The following TSPAN12 variants were observed in gnomAD, a reference collection of about 807,000 sequenced individuals.
The protein encoded by TSPAN12 is tetraspanin-12.
Under a neutral mutation model 39.2 loss-of-function variants are expected in TSPAN12, and 19 were observed. The observed-to-expected ratio is 0.49, with a 90% CI of 0.34 to 0.71. The LOEUF is 0.71. TSPAN12 is among the 30% of genes least tolerant of loss of function. The probability of loss-of-function intolerance (pLI) is 0.01; values close to 1 mark genes in which losing one functional copy is unlikely to be tolerated. For missense variants in TSPAN12, 314 were observed against 359.9 expected (o/e 0.87, Z 1.03); for synonymous variants, 119 against 124.8 (o/e 0.95, Z 0.31).
At chr7:120,819,448 AT>A (rs1368757970) in intron 4 of TSPAN12, among the ~76,000 whole-genome samples, 1 of 152,040 alleles carries the variant, frequency 6.6e-6, no homozygotes, top group East Asian at 1.9e-4. Flanking sequence ...TATCTTTCAG[AT>A]TTCCAATGGT....
At chr7:120,831,443 C>G (rs1794388631) in intron 4 of TSPAN12, among the ~76,000 whole-genome samples, 1 of 151,962 alleles carries the variant, frequency 6.6e-6, no homozygotes, top group East Asian at 1.9e-4. Flanking sequence ...TCCATATATA[C>G]AACAGAATAC....
chr7:120,848,017 A>G (rs868527252), intron 2 of TSPAN12, among the ~76,000 whole-genome samples: 6 of 152,108 alleles, frequency 3.9e-5, no homozygotes, highest in Admixed American at 1.3e-4. Flanking sequence ...GAAAACAACA[A>G]AACTGCTTGC....
In TSPAN12 at chr7:120,832,729, G is replaced by A. The variant is rs187335109; in HGVS notation, c.285+6048C>T. On this transcript the variant is annotated intron_variant, in intron 4 of 7. Transcript: ENST00000222747. Reference sequence around the variant, plus strand: ...GATGGGTACTCAATACACAATTAAGGAGGGCAAAAGGAAAGGAAAGAGGAA... The same window carrying A: ...GATGGGTACTCAATACACAATTAAGAAGGGCAAAAGGAAAGGAAAGAGGAA... Among the ~76,000 whole-genome samples, 3 of 152,126 alleles carry A rather than the reference G, an allele frequency of 2.0e-5. No homozygotes were observed. The East Asian group carries it at 5.8e-4, about 29-fold the overall frequency.
Position 120,788,429 on chromosome 7 carries a change from G to T in TSPAN12, c.*163C>A. On this transcript the variant is annotated 3_prime_UTR_variant, in exon 8 of 8. Transcript: ENST00000222747. ...TTGTCCAGGTGGTGACTTATGACATGAAACTTTTCCATCCTCATTTTAAAG... is the reference window on the plus strand; with the variant it reads ...TTGTCCAGGTGGTGACTTATGACATTAAACTTTTCCATCCTCATTTTAAAG... 1.2e-6 allele frequency: 1 copy of T among 857,158 alleles called. No individual in the cohort carries two copies. Among genetic ancestry groups the T allele is most frequent in the Non-Finnish European group, 1.8e-6 (1 of 558,360 alleles). The allele number at this position is 857,158 out of a possible 1,614,324, so 53.1% of individuals were successfully genotyped here. A position where few individuals can be genotyped will look rare whatever the true frequency, so the allele number is the denominator to read the frequency against.
At chr7:120,844,337 A>G (rs945602641) in intron 2 of TSPAN12, among the ~76,000 whole-genome samples, 5 of 152,100 alleles carry the variant, frequency 3.3e-5, no homozygotes, top group African/African-American at 1.2e-4. Context: ...CCAAAATACC[A>G]TCATGCCTTT....
chr7:120,829,471 C>T (rs928424207), intron 4 of TSPAN12, among the ~76,000 whole-genome samples: 1 of 151,792 alleles, frequency 6.6e-6, no homozygotes, highest in East Asian at 1.9e-4. Context: ...CTTTTACAAA[C>T]GTTATCCGCC....
intron 5 of TSPAN12, chr7:120,814,063 G>A (rs1794033666): frequency 5.3e-6 from 2 of 376,012 alleles, no homozygotes; most frequent in Non-Finnish European, 1.0e-5. Context: ...ATGTGTGAGT[G>A]TGCCAAAGCA....
intron 2 of TSPAN12, among the ~76,000 whole-genome samples, chr7:120,850,846 C>T (rs1794757753): frequency 6.6e-6 from 1 of 152,016 alleles, no homozygotes; most frequent in South Asian, 2.1e-4. Context: ...CATGCCACCA[C>T]ACCCAGCTTA....
At position 120,806,636 on chromosome 7, in the gene TSPAN12, G is replaced by A. The variant is rs1005284722; in HGVS notation, c.525C>T (p.Asp175=). ...TAACACAGCAGGAATCTGGGGGCCA[G>A]TCCATCTCTGTCATTTCCAACCAGT... ...FTDWLEMTEM[D]WPPDSCCVRE... The change falls in exon 7 of 8, where the codon GAC becomes GAT. Residue 175 remains aspartate (D), a synonymous_variant. Coordinates refer to ENST00000222747, the MANE Select transcript of TSPAN12 (RefSeq NM_012338.4). 6.2e-7 allele frequency: 1 copy of A among 1,613,374 alleles called. No individual in the cohort carries two copies. Among genetic ancestry groups the A allele is most frequent in the African/African-American group, 1.3e-5 (1 of 74,858 alleles).
chr7:120,799,922 A>G (rs1793731971), intron 7 of TSPAN12, among the ~76,000 whole-genome samples: 1 of 144,268 alleles, frequency 6.9e-6, no homozygotes, highest in Non-Finnish European at 1.5e-5. Flanking sequence ...TATATTAAAT[A>G]TTTATTATAA....
chr7:120,855,591 T>C (rs1334663966), intron 2 of TSPAN12, among the ~76,000 whole-genome samples: 1 of 152,222 alleles, frequency 6.6e-6, no homozygotes, highest in Non-Finnish European at 1.5e-5. Flanking sequence ...TGAATTTAAC[T>C]ACCCAATGCT....
At chr7:120,818,172 T>C (rs1794120589) in intron 4 of TSPAN12, among the ~76,000 whole-genome samples, 1 of 152,050 alleles carries the variant, frequency 6.6e-6, no homozygotes, top group African/African-American at 2.4e-5. Flanking sequence ...CAATGGTAAC[T>C]GGCACACAGA....
At chr7:120,800,931 ACACATGCAC>A (rs1329034828) in intron 7 of TSPAN12, among the ~76,000 whole-genome samples, 3 of 151,778 alleles carry the variant, frequency 2.0e-5, no homozygotes, top group Non-Finnish European at 2.9e-5. Flanking sequence ...CTGGGACTAC[ACACATGCAC>A]CACAGCGTCC....
intron 4 of TSPAN12, among the ~76,000 whole-genome samples, chr7:120,827,296 G>A (rs372573307): frequency 1.1e-4 from 17 of 152,134 alleles, no homozygotes; most frequent in East Asian, 3.9e-4. Flanking sequence ...AAATAGTTTC[G>A]TTTAAATTTT....
chr7:120,824,170 G>T (rs1263660005), intron 4 of TSPAN12, among the ~76,000 whole-genome samples: 1 of 151,510 alleles, frequency 6.6e-6, no homozygotes, highest in Non-Finnish European at 1.5e-5. Flanking sequence ...CTGCAATATT[G>T]CCCATTAAAA....
intron 4 of TSPAN12, among the ~76,000 whole-genome samples, chr7:120,834,598 T>TAA (rs1026095164): frequency 6.6e-6 from 1 of 152,118 alleles, no homozygotes; most frequent in Non-Finnish European, 1.5e-5. Flanking sequence ...TATATATATA[T>TAA]AATCATTCAA....
chr7:120,824,449 A>T (rs546349330), intron 4 of TSPAN12, among the ~76,000 whole-genome samples: 1 of 152,018 alleles, frequency 6.6e-6, no homozygotes, highest in Admixed American at 6.6e-5. Context: ...TCAAAAAAAA[A>T]ACAAAAACCT....
rs114396407 is a variant in TSPAN12, at chr7:120,836,439, T to C, written c.285+2338A>G. Reference sequence around the variant, plus strand: ...CACCTAGGGACACATGGAACAGCAATGCATAAAAAGATGCTTTGTAAAAAA... The same window carrying C: ...CACCTAGGGACACATGGAACAGCAACGCATAAAAAGATGCTTTGTAAAAAA... On this transcript the variant is annotated intron_variant, in intron 4 of 7. Transcript: ENST00000222747. 1.5e-3 allele frequency among the ~76,000 whole-genome samples: 234 copies of C among 152,248 alleles called. 2 individuals are homozygous for C. Among genetic ancestry groups the C allele is most frequent in the African/African-American group, 5.5e-3 (230 of 41,554 alleles).
At chr7:120,795,921 A>C (rs1384382136) in intron 7 of TSPAN12, among the ~76,000 whole-genome samples, 1 of 152,264 alleles carries the variant, frequency 6.6e-6, no homozygotes, top group Admixed American at 6.5e-5. Flanking sequence ...ATCTGTGCAT[A>C]GAAAATGCAG....
Sources: allele counts gnomAD v4.1 joint callset (sites outside exome capture counted in the v4.1 genomes callset), GRCh38; gene constraint gnomAD v4.1.1; transcripts MANE v1.5; gene names NCBI Gene and HGNC (gene_info 2026-07-23, HGNC 2026-07-21).